NUMB: variants seen among roughly 807,000 people sequenced by gnomAD.
NUMB encodes the protein NUMB endocytic adaptor protein.
A neutral mutation model predicts 59.7 loss-of-function variants in NUMB; 29 were observed. The observed-to-expected ratio is 0.49, with a 90% CI of 0.36 to 0.66. NUMB has a LOEUF of 0.66. Ranked by LOEUF, NUMB falls within the 30% of genes least tolerant of loss-of-function variation. The probability of loss-of-function intolerance (pLI) is 0.00; values close to 1 mark genes in which losing one functional copy is unlikely to be tolerated. For synonymous variants in NUMB, 288 were observed against 288.2 expected (o/e 1.00, Z 0.01); for missense variants, 723 against 822.0 (o/e 0.88, Z 1.47).
intron 1 of NUMB, among the ~76,000 whole-genome samples, chr14:73,427,202 GGTGCGGTGGCTCAC>G (rs1897620245): frequency 6.6e-6 from 1 of 152,042 alleles, no homozygotes; most frequent in African/African-American, 2.4e-5. Flanking sequence ...AAAGAGGCCT[GGTGCGGTGGCTCAC>G]GCCTGTAATC....
intron 1 of NUMB, among the ~76,000 whole-genome samples, chr14:73,444,868 A>AAG (rs1555384146): frequency 6.6e-6 from 1 of 151,724 alleles, no homozygotes; most frequent in Non-Finnish European, 1.5e-5. Flanking sequence ...AAAAAAAAAA[A>AAG]AAAGAAAGTA....
Position 73,316,518 on chromosome 14 carries a change from G to A in NUMB, c.202-96C>T, listed in dbSNP as rs1891093797. The A allele has an allele frequency of 5.3e-6, 6 of 1,137,500 alleles. No individual in the cohort carries two copies. In the Admixed American group the frequency reaches 5.6e-5, roughly 11 times the overall value. 70.5% of individuals were successfully genotyped at this position (1,137,500 alleles called of 1,614,324 possible). On this transcript the variant is annotated intron_variant, in intron 5 of 12. Transcript: ENST00000555238. ...AAGCACATACAGAAATTGGGGAAAG[G>A]AAAAAGTGGGAGAAGGGGTGGGAGT...
At chr14:73,454,998 C>T (rs1245512255) in intron 1 of NUMB, among the ~76,000 whole-genome samples, 2 of 152,108 alleles carry the variant, frequency 1.3e-5, no homozygotes, top group African/African-American at 2.4e-5. Context: ...CTTCTCGAAA[C>T]TTATGTCACA....
intron 4 of NUMB, among the ~76,000 whole-genome samples, chr14:73,350,045 A>G (rs1893138168): frequency 6.9e-6 from 1 of 144,254 alleles, no homozygotes; most frequent in Non-Finnish European, 1.5e-5. Context: ...TCTGTCTCAC[A>G]TACATACATA....
chr14:73,421,559 T>C (rs1283924709), intron 1 of NUMB, among the ~76,000 whole-genome samples: 1 of 152,120 alleles, frequency 6.6e-6, no homozygotes, highest in African/African-American at 2.4e-5. Context: ...ATTACGGAAA[T>C]AGACACTTGC....
chr14:73,280,538 C>T (rs998284583), intron 11 of NUMB, among the ~76,000 whole-genome samples: 1 of 151,872 alleles, frequency 6.6e-6, no homozygotes, highest in African/African-American at 2.4e-5. Flanking sequence ...ACCCTTGTTC[C>T]TTTTACTCCA....
At chr14:73,336,856 T>C (rs1487128214) in intron 4 of NUMB, among the ~76,000 whole-genome samples, 1 of 152,078 alleles carries the variant, frequency 6.6e-6, no homozygotes, top group Non-Finnish European at 1.5e-5. Context: ...CTAAGCTGAG[T>C]TTATTTCAGG....
At chr14:73,383,616 G>A (rs1047796984) in intron 2 of NUMB, among the ~76,000 whole-genome samples, 8 of 152,160 alleles carry the variant, frequency 5.3e-5, no homozygotes, top group South Asian at 2.1e-4. Context: ...GAGGATCTCC[G>A]GACCTGAAAC....
intron 4 of NUMB, among the ~76,000 whole-genome samples, chr14:73,347,573 A>G (rs1428157601): frequency 2.0e-5 from 3 of 152,194 alleles, no homozygotes; most frequent in African/African-American, 7.2e-5. Flanking sequence ...TTGCACTGCA[A>G]GTGCTGTCAT....
intron 1 of NUMB, among the ~76,000 whole-genome samples, chr14:73,451,577 T>C (rs955527858): frequency 6.6e-6 from 1 of 152,114 alleles, no homozygotes; most frequent in Non-Finnish European, 1.5e-5. Flanking sequence ...ATTGTGCCAC[T>C]GCACTCCAGC....
intron 2 of NUMB, among the ~76,000 whole-genome samples, chr14:73,369,857 C>A (rs1245941617): frequency 1.3e-5 from 2 of 152,136 alleles, no homozygotes; most frequent in African/African-American, 2.4e-5. Context: ...ATCCTAGAAG[C>A]TCCTCTATGT....
intron 1 of NUMB, among the ~76,000 whole-genome samples, chr14:73,423,222 G>A (rs868507904): frequency 2.0e-5 from 3 of 151,940 alleles, no homozygotes; most frequent in Non-Finnish European, 2.9e-5. Flanking sequence ...TTGATTGGCC[G>A]GGTGCGGTGG....
At chr14:73,443,137 G>C (rs781624065) in intron 1 of NUMB, among the ~76,000 whole-genome samples, 3 of 152,102 alleles carry the variant, frequency 2.0e-5, no homozygotes, top group Non-Finnish European at 4.4e-5. Context: ...ACTGTGCTGG[G>C]AATACTGGTT....
At chr14:73,356,553 G>A (rs1443173382) in intron 3 of NUMB, among the ~76,000 whole-genome samples, 2 of 152,206 alleles carry the variant, frequency 1.3e-5, no homozygotes, top group African/African-American at 4.8e-5. Context: ...TGAGGCAGAA[G>A]AATCACTTGA....
intron 4 of NUMB, among the ~76,000 whole-genome samples, chr14:73,352,204 G>T (rs1226295249): frequency 1.3e-5 from 2 of 150,754 alleles, no homozygotes; most frequent in Admixed American, 6.6e-5. Flanking sequence ...CTTTCCTCTT[G>T]TCACCCAGTG....
intron 3 of NUMB, among the ~76,000 whole-genome samples, chr14:73,357,410 A>AAAAG (rs201606034): frequency 6.0e-5 from 9 of 150,910 alleles, no homozygotes; most frequent in African/African-American, 1.5e-4. Context: ...CAAAAAAAAA[A>AAAAG]AAAGAAAGAA....
At chr14:73,311,391 T>C (rs975105984) in intron 6 of NUMB, among the ~76,000 whole-genome samples, 2 of 152,296 alleles carry the variant, frequency 1.3e-5, no homozygotes, top group East Asian at 1.9e-4. Flanking sequence ...GAAAAAGTTA[T>C]TTCAGGTCTT....
At chr14:73,372,336 T>TATAA (rs1458864410) in intron 2 of NUMB, among the ~76,000 whole-genome samples, 10 of 87,278 alleles carry the variant, frequency 1.1e-4, no homozygotes, top group East Asian at 5.0e-4. Context: ...TATATATATA[T>TATAA]AACCTTTTAT....
chr14:73,361,427 T>G (rs902919051), intron 3 of NUMB, among the ~76,000 whole-genome samples: 2 of 152,218 alleles, frequency 1.3e-5, no homozygotes, highest in African/African-American at 4.8e-5. Context: ...ACATAGATTC[T>G]TCCTTTGATT....
Sources: gnomAD v4.1 joint callset for allele counts (sites outside exome capture counted in the v4.1 genomes callset) on GRCh38, gnomAD v4.1.1 for gene constraint, MANE v1.5 for transcripts, NCBI Gene and HGNC (gene_info 2026-07-23, HGNC 2026-07-21) for gene names.